The following FHIT variants were observed in gnomAD, a reference collection of about 807,000 sequenced individuals.
The protein encoded by FHIT is fragile histidine triad diadenosine triphosphatase.
In FHIT, 19 loss-of-function variants were observed where a neutral mutation model predicts 17.9. That is an observed-to-expected ratio of 1.06 (90% CI 0.74 to 1.56). FHIT has a LOEUF of 1.56. Among genes scored for constraint, FHIT ranks in the 40% most tolerant of loss-of-function variants. The probability of loss-of-function intolerance (pLI) is 0.00; values close to 1 mark genes in which losing one functional copy is unlikely to be tolerated. For synonymous variants in FHIT, 81 were observed against 69.7 expected (o/e 1.16, Z -0.81); for missense variants, 248 against 189.2 (o/e 1.31, Z -1.82).
At chr3:60,744,263 C>CAAAAAA (rs1201886354) in intron 4 of FHIT, among the ~76,000 whole-genome samples, 2 of 85,984 alleles carry the variant, frequency 2.3e-5, no homozygotes, top group Admixed American at 1.3e-4. Context: ...AAAAACAAAA[C>CAAAAAA]AAAACAAAAA....
intron 5 of FHIT, among the ~76,000 whole-genome samples, chr3:60,405,644 A>G (rs2107205772): frequency 6.6e-6 from 1 of 152,318 alleles, no homozygotes. Flanking sequence ...CTACATCGCT[A>G]GCCAGAGGTC....
chr3:59,764,613 CCTCT>C (rs370221951), intron 8 of FHIT, among the ~76,000 whole-genome samples: 64 of 152,240 alleles, frequency 4.2e-4, no homozygotes, highest in South Asian at 1.5e-3. Context: ...TTCCCAAATG[CCTCT>C]CTCTATTTCA....
intron 8 of FHIT, among the ~76,000 whole-genome samples, chr3:59,865,884 G>C (rs1206808646): frequency 6.6e-6 from 1 of 152,158 alleles, no homozygotes. Context: ...AGGCAGGAAC[G>C]GGGAGAGAGA....
intron 5 of FHIT, among the ~76,000 whole-genome samples, chr3:60,443,743 T>C (rs1023002424): frequency 2.6e-5 from 4 of 152,080 alleles, no homozygotes; most frequent in Admixed American, 2.6e-4. Context: ...TCTTTTTTTG[T>C]TGTGTCTCTG....
At chr3:59,774,118 G>T (rs775579547) in intron 8 of FHIT, among the ~76,000 whole-genome samples, 9 of 152,090 alleles carry the variant, frequency 5.9e-5, no homozygotes, top group African/African-American at 1.2e-4. Context: ...CGTGAGATGC[G>T]CTGGTTTGGA....
intron 5 of FHIT, among the ~76,000 whole-genome samples, chr3:60,130,784 G>GTGTATATACACACATATGTGTGTGT (rs148356992): frequency 1.8e-5 from 2 of 111,628 alleles, no homozygotes; most frequent in African/African-American, 5.9e-5. Flanking sequence ...GTGTGTGTGT[G>GTGTATATACACACATATGTGTGTGT]GTGTGTATAT....
intron 8 of FHIT, among the ~76,000 whole-genome samples, chr3:59,907,847 G>T (rs1281404369): frequency 6.6e-6 from 1 of 152,206 alleles, no homozygotes; most frequent in Non-Finnish European, 1.5e-5. Flanking sequence ...CTTTTTGGAG[G>T]CTCTTTGCCT....
At chr3:59,845,319 T>C (rs911379134) in intron 8 of FHIT, among the ~76,000 whole-genome samples, 17 of 152,066 alleles carry the variant, frequency 1.1e-4, no homozygotes, top group Non-Finnish European at 2.1e-4. Context: ...CTTTATTCTT[T>C]CCTTCTGTTA....
intron 8 of FHIT, among the ~76,000 whole-genome samples, chr3:59,894,805 C>G (rs1447455690): frequency 6.6e-6 from 1 of 152,214 alleles, no homozygotes; most frequent in Non-Finnish European, 1.5e-5. Context: ...ACATGCAATC[C>G]TACTTCTAAC....
intron 4 of FHIT, among the ~76,000 whole-genome samples, chr3:60,780,165 C>T (rs1334548481): frequency 2.0e-5 from 3 of 152,208 alleles, no homozygotes; most frequent in Non-Finnish European, 4.4e-5. Flanking sequence ...AGCCATTCAT[C>T]TTCAGTCTGT....
intron 1 of FHIT, among the ~76,000 whole-genome samples, chr3:61,211,224 A>AG (rs2039459389): frequency 6.6e-6 from 1 of 151,930 alleles, no homozygotes; most frequent in Non-Finnish European, 1.5e-5. Flanking sequence ...GGGAAGTGCA[A>AG]GGGGTCAGAG....
intron 5 of FHIT, among the ~76,000 whole-genome samples, chr3:60,060,048 A>T (rs1331051688): frequency 6.6e-6 from 1 of 152,170 alleles, no homozygotes; most frequent in Non-Finnish European, 1.5e-5. Context: ...CATGGGGGAA[A>T]AATGGTAGTC....
chr3:60,878,853 T>C lies in FHIT; in HGVS notation c.-110-56842A>G, dbSNP rs1359779576. On this transcript the variant is annotated intron_variant, in intron 3 of 9. Coordinates refer to ENST00000492590, the MANE Select transcript of FHIT (RefSeq NM_002012.4). ...TTTATGGCTGCATAGTATTCCATGG[T>C]GTATATGTGTCACATTTTCTTAATC... Among the ~76,000 whole-genome samples, 3 of 152,210 alleles carry C rather than the reference T, an allele frequency of 2.0e-5. No homozygotes were observed. The East Asian group carries it at 5.8e-4, about 29-fold the overall frequency.
At chr3:59,941,215 A>C (rs1160844001) in intron 7 of FHIT, among the ~76,000 whole-genome samples, 1 of 152,218 alleles carries the variant, frequency 6.6e-6, no homozygotes, top group African/African-American at 2.4e-5. Flanking sequence ...TGTATGCAAT[A>C]GTGTATGCTG....
At chr3:60,296,393 C>A (rs116386342) in intron 5 of FHIT, among the ~76,000 whole-genome samples, 1 of 152,048 alleles carries the variant, frequency 6.6e-6, no homozygotes, top group Non-Finnish European at 1.5e-5. Context: ...GATATCTCAA[C>A]GTGGTTTTAT....
intron 4 of FHIT, among the ~76,000 whole-genome samples, chr3:60,665,621 G>T (rs1291780475): frequency 6.6e-6 from 1 of 151,882 alleles, no homozygotes; most frequent in Non-Finnish European, 1.5e-5. Flanking sequence ...ATATTTGTAT[G>T]ATATATGTTT....
intron 5 of FHIT, among the ~76,000 whole-genome samples, chr3:60,225,801 G>C (rs778392899): frequency 1.3e-5 from 2 of 152,114 alleles, no homozygotes; most frequent in Non-Finnish European, 2.9e-5. Flanking sequence ...ATGACCTCAG[G>C]ACAGCTTATT....
intron 2 of FHIT, among the ~76,000 whole-genome samples, chr3:61,163,550 A>G (rs765593100): frequency 1.4e-4 from 21 of 152,192 alleles, no homozygotes; most frequent in African/African-American, 2.7e-4. Flanking sequence ...CCCCTGAAGC[A>G]GGCCATAAAA....
intron 4 of FHIT, among the ~76,000 whole-genome samples, chr3:60,566,186 C>G (rs950110670): frequency 2.4e-4 from 36 of 152,124 alleles, no homozygotes; most frequent in African/African-American, 8.4e-4. Context: ...ACTAAGTGGT[C>G]AATTTTGGAA....
Sources: allele counts gnomAD v4.1 joint callset (sites outside exome capture counted in the v4.1 genomes callset), GRCh38; gene constraint gnomAD v4.1.1; transcripts MANE v1.5; gene names NCBI Gene and HGNC (gene_info 2026-07-23, HGNC 2026-07-21).